The following TNFRSF11B variants were observed in gnomAD, a reference collection of about 807,000 sequenced individuals.
The protein encoded by TNFRSF11B is TNF receptor superfamily member 11b.
In TNFRSF11B, 16 loss-of-function variants were observed where a neutral mutation model predicts 43.4. The ratio of observed to expected loss-of-function variants is 0.37; its 90% CI spans 0.25 to 0.56. The LOEUF (loss-of-function observed/expected upper bound fraction) is 0.56, where lower values mean the gene tolerates loss of function less well. TNFRSF11B is among the 20% of genes least tolerant of loss of function. The pLI, the probability that TNFRSF11B is intolerant of heterozygous loss-of-function variation, is 0.80. For synonymous variants in TNFRSF11B, 185 were observed against 181.8 expected (o/e 1.02, Z -0.14); for missense variants, 444 against 490.1 (o/e 0.91, Z 0.89).
At chr8:118,940,950 T>C (rs1444237971) in intron 1 of TNFRSF11B, among the ~76,000 whole-genome samples, 2 of 152,202 alleles carry the variant, frequency 1.3e-5, no homozygotes, top group East Asian at 3.8e-4. Context: ...GTATTCAATA[T>C]ATCTTTTTTC....
At chr8:118,932,443 T>A (rs1812342511) in intron 2 of TNFRSF11B, among the ~76,000 whole-genome samples, 1 of 152,166 alleles carries the variant, frequency 6.6e-6, no homozygotes, top group Non-Finnish European at 1.5e-5. Flanking sequence ...AATAATGAAA[T>A]GCAATTCCCC....
At position 118,923,818 on chromosome 8, in the gene TNFRSF11B, TA is replaced by T; in HGVS notation, c.*555del. The stretch of plus-strand genomic sequence containing the variant: ...TAGAAAAATGCTACAAACTTTCCAT[TA>T]AAAATATATATTTTCTCTTTCATTT... On this transcript the variant is annotated 3_prime_UTR_variant, in exon 5 of 5. Coordinates refer to ENST00000297350, the MANE Select transcript of TNFRSF11B (RefSeq NM_002546.4). 1 of 152,616 alleles carries T rather than the reference TA, an allele frequency of 6.6e-6. No homozygotes were observed. The highest frequency in any genetic ancestry group is 1.5e-5 in the Non-Finnish European group (1 of 68,126). The allele number at this position is 152,616 out of a possible 1,614,324, so 9.5% of individuals were successfully genotyped here. A position where few individuals can be genotyped will look rare whatever the true frequency, so the allele number is the denominator to read the frequency against.
Position 118,932,903 on chromosome 8 carries a change from A to C in TNFRSF11B, c.400+28T>G, listed in dbSNP as rs1812348547. 3 of 1,613,712 alleles carry C rather than the reference A, an allele frequency of 1.9e-6. No homozygotes were observed. The East Asian group carries it at 6.7e-5, about 36-fold the overall frequency. Reference sequence around the variant, plus strand: ...AACTATCTGACTTTGCATGATCCTAATTAATTTTGCTGCACATTGACACGT... The same window carrying C: ...AACTATCTGACTTTGCATGATCCTACTTAATTTTGCTGCACATTGACACGT... On this transcript the variant is annotated intron_variant, in intron 2 of 4. Coordinates refer to ENST00000297350, the MANE Select transcript of TNFRSF11B (RefSeq NM_002546.4).
chr8:118,930,563 C>T, intron 2 of TNFRSF11B: 1 of 245,784 alleles, frequency 4.1e-6, no homozygotes, highest in South Asian at 4.1e-5. Context: ...AGGCATGCAC[C>T]ACCATGCCCT....
chr8:118,933,914 T>C (rs554864761), intron 1 of TNFRSF11B, among the ~76,000 whole-genome samples: 1 of 152,290 alleles, frequency 6.6e-6, no homozygotes, highest in South Asian at 2.1e-4. Context: ...CTGAATAAAA[T>C]AGGCAAGAAA....
At chr8:118,928,012 A>G (rs910161038) in intron 3 of TNFRSF11B, among the ~76,000 whole-genome samples, 2 of 145,164 alleles carry the variant, frequency 1.4e-5, no homozygotes, top group African/African-American at 5.1e-5. Context: ...CACATTTCTA[A>G]TGTGTGTGTG....
At chr8:118,945,615 A>ATGG (rs1812550643) in intron 1 of TNFRSF11B, among the ~76,000 whole-genome samples, 1 of 152,098 alleles carries the variant, frequency 6.6e-6, no homozygotes, top group Non-Finnish European at 1.5e-5. Context: ...TTTTTTGGTG[A>ATGG]TGGTGGTGGT....
rs749484101 is a variant in TNFRSF11B at position 118,924,471 on chromosome 8, C to T, written c.1109G>A (p.Arg370Lys). ...TVTQSLKKTI[R>K]FLHSFTMYKL... is the part of the protein sequence containing the mutation. ...GTACATTGTGAAGCTGTGAAGGAAC[C>T]TGATGGTCTTCTTTAGACTCTGAGT... The change falls in exon 5 of 5, where the codon AGG becomes AAG. Residue 370 changes from arginine to lysine, a missense_variant. Transcript: ENST00000297350. The T allele has an allele frequency of 1.9e-6, 3 of 1,613,858 alleles. No homozygotes were observed. In the Admixed American group the frequency reaches 5.0e-5, roughly 27 times the overall value.
chr8:118,930,360 C>G (rs1381129994), intron 2 of TNFRSF11B: 1 of 153,066 alleles, frequency 6.5e-6, no homozygotes, highest in Non-Finnish European at 1.5e-5. Context: ...CCCAGGTCTC[C>G]CTTTGTTGAC....
intron 1 of TNFRSF11B, among the ~76,000 whole-genome samples, chr8:118,941,263 G>A (rs1237060944): frequency 6.6e-6 from 1 of 152,174 alleles, no homozygotes; most frequent in Non-Finnish European, 1.5e-5. Flanking sequence ...ACTGCTGCCA[G>A]TTCCCCACCT....
chr8:118,949,584 A>G (rs191199028), intron 1 of TNFRSF11B, among the ~76,000 whole-genome samples: 24 of 152,364 alleles, frequency 1.6e-4, no homozygotes, highest in African/African-American at 5.0e-4. Flanking sequence ...TTTTTGGTCC[A>G]CATGATAACA....
At chr8:118,938,374 A>G (rs1319764256) in intron 1 of TNFRSF11B, among the ~76,000 whole-genome samples, 2 of 152,192 alleles carry the variant, frequency 1.3e-5, no homozygotes, top group Non-Finnish European at 2.9e-5. Flanking sequence ...TTTGGTTTAT[A>G]CCTACTTAGA....
Position 118,951,781 on chromosome 8 carries a change from C to CAGG in TNFRSF11B, c.30+8_30+10dup, listed in dbSNP as rs775703445. ...GGCGCCGGGCACCCGTCGGCTGGCC[C>CAGG]AGGGACTTACCACGAGCGCGCAGCA... On this transcript the variant is annotated intron_variant, in intron 1 of 4. Transcript: ENST00000297350. 5.2e-5 allele frequency: 82 copies of CAGG among 1,588,914 alleles called. No homozygotes were observed. In the African/African-American group the frequency reaches 1.0e-3, roughly 20 times the overall value.
At position 118,933,062 on chromosome 8, in the gene TNFRSF11B, A is replaced by G; in HGVS notation, c.269T>C (p.Leu90Pro). 1 of 1,614,184 alleles carries G rather than the reference A, an allele frequency of 6.2e-7. No homozygotes were observed. Among genetic ancestry groups the G allele is most frequent in the Non-Finnish European group, 8.5e-7 (1 of 1,180,044 alleles). The change falls in exon 2 of 5, where the codon CTG becomes CCG. Residue 90 changes from leucine (L) to proline (P), a missense_variant. Leu to Pro is a moderately conservative substitution (Grantham distance 98, BLOSUM62 -3). Transcript: ENST00000297350. The part of the protein sequence containing the change: ...CLYCSPVCKE[L>P]QYVKQECNRT... The stretch of plus-strand genomic sequence containing the variant: ...ATTGCACTCCTGCTTGACGTACTGC[A>G]GCTCCTTGCACACGGGGCTGCAGTA...
chr8:118,936,453 T>C (rs949565258), intron 1 of TNFRSF11B, among the ~76,000 whole-genome samples: 1 of 152,120 alleles, frequency 6.6e-6, no homozygotes, highest in African/African-American at 2.4e-5. Flanking sequence ...ACACAGAATT[T>C]CTGGACTCAG....
intron 1 of TNFRSF11B, among the ~76,000 whole-genome samples, chr8:118,949,820 A>T (rs539288663): frequency 6.6e-6 from 1 of 152,348 alleles, no homozygotes; most frequent in African/African-American, 2.4e-5. Flanking sequence ...AGAAATAAAT[A>T]TCTGTGGTGC....
At chr8:118,938,174 G>A (rs1812429369) in intron 1 of TNFRSF11B, among the ~76,000 whole-genome samples, 1 of 152,024 alleles carries the variant, frequency 6.6e-6, no homozygotes, top group Non-Finnish European at 1.5e-5. Flanking sequence ...TTGAGATGGG[G>A]TCTCGCTATG....
intron 1 of TNFRSF11B, among the ~76,000 whole-genome samples, chr8:118,935,302 G>A (rs1399370911): frequency 1.3e-5 from 2 of 152,094 alleles, no homozygotes; most frequent in African/African-American, 2.4e-5. Flanking sequence ...GAAATAGATG[G>A]AACCTATTTC....
At chr8:118,929,358 C>A (rs545868569) in intron 2 of TNFRSF11B, among the ~76,000 whole-genome samples, 1 of 152,322 alleles carries the variant, frequency 6.6e-6, no homozygotes, top group East Asian at 1.9e-4. Flanking sequence ...AATGCTGCAT[C>A]ATTAAATTCC....
Sources: allele counts gnomAD v4.1 joint callset (sites outside exome capture counted in the v4.1 genomes callset), GRCh38; gene constraint gnomAD v4.1.1; transcripts MANE v1.5; gene names NCBI Gene and HGNC (gene_info 2026-07-23, HGNC 2026-07-21).